The following EP400 variants were observed in gnomAD, a reference collection of about 807,000 sequenced individuals.
EP400 encodes E1A binding protein p400.
A neutral mutation model predicts 354.1 loss-of-function variants in EP400; 105 were observed. That is an observed-to-expected ratio of 0.30 (90% CI 0.25 to 0.35). The LOEUF is 0.35. EP400 is among the 10% of genes least tolerant of loss of function. EP400 has a pLI of 1.00. For missense variants in EP400, 3,280 were observed against 4,121.0 expected (o/e 0.80, Z 5.59); for synonymous variants, 1,646 against 1,716.9 (o/e 0.96, Z 1.02).
rs1233404196 is a variant in EP400 at position 131,990,488 on chromosome 12, G to A, written c.2551-148G>A. ...ATAGAACCTGGGCAGGATGTAGTTA[G>A]TATGAAATAAATGAAAAAGCACCAA... On this transcript the variant is annotated intron_variant, in intron 8 of 52. Coordinates refer to ENST00000389561, the MANE Select transcript of EP400 (RefSeq NM_015409.5). The surrounding 1 kb of genome is among the most constrained non-coding windows in gnomAD (Gnocchi z 4.2). 5 of 644,756 alleles carry A rather than the reference G, an allele frequency of 7.8e-6. No homozygotes were observed. The highest frequency in any genetic ancestry group is 1.3e-5 in the Non-Finnish European group (5 of 376,072). 39.9% of individuals were successfully genotyped at this position (644,756 alleles called of 1,614,324 possible).
chr12:132,006,402 A>G, intron 14 of EP400, 100 bp downstream of exon 14: 7 of 1,357,836 alleles, frequency 5.2e-6, no homozygotes, highest in Non-Finnish European at 6.9e-6. Flanking sequence ...GAAATGGTCT[A>G]TCCCAACTGC....
chr12:132,073,534 A>G (rs1896130656), intron 51 of EP400, among the ~76,000 whole-genome samples: 1 of 145,560 alleles, frequency 6.9e-6, no homozygotes, highest in African/African-American at 2.7e-5. Context: ...GCTCACTGCA[A>G]CTTCCGCCTC....
At chr12:131,957,489 A>G (rs1319448196) in intron 1 of EP400, among the ~76,000 whole-genome samples, 1 of 136,920 alleles carries the variant, frequency 7.3e-6, no homozygotes, top group African/African-American at 2.7e-5. Flanking sequence ...TTTTCCTGTC[A>G]CCTACCAGAA....
intron 47 of EP400, among the ~76,000 whole-genome samples, chr12:132,064,040 C>T (rs1309047340): frequency 6.8e-6 from 1 of 146,086 alleles, no homozygotes; most frequent in African/African-American, 2.6e-5. Context: ...CCCCGGCCCA[C>T]AGCCACACAG....
At chr12:131,983,582 C>T (rs940524385) in intron 5 of EP400, among the ~76,000 whole-genome samples, 3 of 152,236 alleles carry the variant, frequency 2.0e-5, no homozygotes, top group African/African-American at 7.2e-5. Context: ...GTTTGATGCA[C>T]ATCAGGGCGT....
intron 12 of EP400, among the ~76,000 whole-genome samples, chr12:132,002,586 C>A (rs1385625909): frequency 1.3e-5 from 2 of 152,216 alleles, no homozygotes; most frequent in Non-Finnish European, 2.9e-5. Flanking sequence ...GTTCATTCTG[C>A]CAGCTGATGG....
At chr12:131,951,203 C>T (rs910001953) in intron 1 of EP400, among the ~76,000 whole-genome samples, 6 of 151,658 alleles carry the variant, frequency 4.0e-5, no homozygotes, top group African/African-American at 1.5e-4. Context: ...GCATGAGTCA[C>T]CGCGCCTGGC....
At chr12:132,006,394 A>G in intron 14 of EP400, 92 bp downstream of exon 14, 1 of 1,423,070 alleles carries the variant, frequency 7.0e-7, no homozygotes, top group Non-Finnish European at 9.4e-7. Context: ...TTCCCAGTGA[A>G]ATGGTCTATC....
At chr12:132,031,738 G>A (rs1894508407) in intron 29 of EP400, among the ~76,000 whole-genome samples, 1 of 151,986 alleles carries the variant, frequency 6.6e-6, no homozygotes, top group African/African-American at 2.4e-5. Flanking sequence ...TGTATTTTTA[G>A]TAGAGACGGG....
chr12:132,030,509 A>G (rs1400204595), intron 29 of EP400, among the ~76,000 whole-genome samples: 1 of 152,214 alleles, frequency 6.6e-6, no homozygotes, highest in African/African-American at 2.4e-5. Flanking sequence ...CCCATTGTTT[A>G]CTTACAAGAT....
chr12:132,020,939 C>G lies in EP400; in HGVS notation c.4448-140C>G, dbSNP rs1477537988. The G allele has an allele frequency of 4.9e-6, 6 of 1,222,530 alleles. No individual in the cohort carries two copies. The East Asian group carries it at 1.4e-4, about 28-fold the overall frequency. 75.7% of individuals were successfully genotyped at this position (1,222,530 alleles called of 1,614,324 possible). ...TCACCCTGTAAACTATATGGCCCCT[C>G]TTTTTTTCCTTAAGAGGGGACTTCT... On this transcript the variant is annotated intron_variant, in intron 22 of 52. Transcript: ENST00000389561.
chr12:131,978,669 C>G (rs1268090987), intron 2 of EP400, among the ~76,000 whole-genome samples: 1 of 151,940 alleles, frequency 6.6e-6, no homozygotes, highest in African/African-American at 2.4e-5. Flanking sequence ...CCATGCCTGG[C>G]TAACATTTTA....
chr12:132,043,677 C>T lies in EP400; in HGVS notation c.6399C>T (p.Tyr2133=), dbSNP rs1463225937. Residue 2133 remains tyrosine (Y), a synonymous_variant, in exon 34 of 53, where the codon TAC becomes TAT. Coordinates refer to ENST00000389561, the MANE Select transcript of EP400 (RefSeq NM_015409.5). Reference sequence around the variant, plus strand: ...CAATTGAAAAATATGCTTTAAATTACCTGGAATTATTCCATACTTCTATTG... The same window carrying T: ...CAATTGAAAAATATGCTTTAAATTATCTGGAATTATTCCATACTTCTATTG... ...LTPIEKYALN[Y]LELFHTSIEQ... 1 of 1,611,726 alleles carries T rather than the reference C, an allele frequency of 6.2e-7. No individual in the cohort carries two copies.
Position 132,025,695 on chromosome 12 carries a change from C to T in EP400, c.4905C>T (p.Ala1635=), listed in dbSNP as rs1445281724. The T allele has an allele frequency of 6.2e-7, 1 of 1,613,424 alleles. No individual in the cohort carries two copies. ...CCCCCGGGCAGCCCTACCTTCGAGC[C>T]CCTGGCCCTGTGGTGATGCAGACCG... ...VSAPGQPYLR[A]PGPVVMQTVS... Residue 1635 remains alanine (A), a synonymous_variant, in exon 25 of 53, where the codon GCC becomes GCT. Coordinates refer to ENST00000389561, the MANE Select transcript of EP400 (RefSeq NM_015409.5). This position sits in a 1 kb window ranked among gnomAD's most constrained non-coding sequence, Gnocchi z 4.1.
chr12:132,011,974 A>G (rs1893782562), intron 16 of EP400, among the ~76,000 whole-genome samples: 1 of 152,232 alleles, frequency 6.6e-6, no homozygotes, highest in Non-Finnish European at 1.5e-5. Flanking sequence ...ACAGGCACAG[A>G]GGAGAAGCTA....
intron 32 of EP400, among the ~76,000 whole-genome samples, chr12:132,039,377 G>A (rs954557702): frequency 6.6e-6 from 1 of 152,142 alleles, no homozygotes; most frequent in African/African-American, 2.4e-5. Context: ...GGGGAGGGGG[G>A]AGCTGCATGT....
At chr12:132,072,692 C>T (rs1043474889) in intron 51 of EP400, among the ~76,000 whole-genome samples, 6 of 152,152 alleles carry the variant, frequency 3.9e-5, no homozygotes, top group Admixed American at 6.5e-5. Context: ...TGTGTCATTT[C>T]GGTCTTCTGT....
chr12:132,029,534 G>T lies in EP400; in HGVS notation c.5382-167G>T. 1.4e-6 allele frequency: 1 copy of T among 697,838 alleles called. No individual in the cohort carries two copies. Among genetic ancestry groups the T allele is most frequent in the Non-Finnish European group, 2.4e-6 (1 of 418,698 alleles). The allele number at this position is 697,838 out of a possible 1,614,324, so 43.2% of individuals were successfully genotyped here. A position where few individuals can be genotyped will look rare whatever the true frequency, so the allele number is the denominator to read the frequency against. ...AGGACTGGTTAGGATCTGCCTCGTTGGGCCCCTGCCCGTGTGCCAACACCC... is the reference window on the plus strand; with the variant it reads ...AGGACTGGTTAGGATCTGCCTCGTTTGGCCCCTGCCCGTGTGCCAACACCC... On this transcript the variant is annotated intron_variant, in intron 27 of 52. Transcript: ENST00000389561. This position sits in a 1 kb window ranked among gnomAD's most constrained non-coding sequence, Gnocchi z 4.7.
Position 132,053,610 on chromosome 12 carries a change from C to T in EP400, c.7728+13C>T. 6.6e-7 allele frequency: 1 copy of T among 1,516,752 alleles called. No individual in the cohort carries two copies. The highest frequency in any genetic ancestry group is 2.2e-4 in the Middle Eastern group (1 of 4,520). The allele number at this position is 1,516,752 out of a possible 1,614,324, so 94.0% of individuals were successfully genotyped here. ...TGCAGCCGTACTGGTGAGCAGGGGC[C>T]TCCTCCCGGGCTTCCCCTCTACGGG... On this transcript the variant is annotated intron_variant, in intron 43 of 52. Coordinates refer to ENST00000389561, the MANE Select transcript of EP400 (RefSeq NM_015409.5).
Sources: gnomAD v4.1 joint callset for allele counts (sites outside exome capture counted in the v4.1 genomes callset) on GRCh38, gnomAD v4.1.1 for gene constraint, Gnocchi (gnomAD v3.1) non-coding constraint, MANE v1.5 for transcripts, NCBI Gene and HGNC (gene_info 2026-07-23, HGNC 2026-07-21) for gene names.